EIF2AK4: variants seen among roughly 807,000 people sequenced by gnomAD.
EIF2AK4 encodes the protein eukaryotic translation initiation factor 2 alpha kinase 4, also known as eIF-2-alpha kinase GCN2.
Under a neutral mutation model 211.1 loss-of-function variants are expected in EIF2AK4, and 139 were observed. The observed-to-expected ratio is 0.66, with a 90% CI of 0.57 to 0.76. EIF2AK4 has a LOEUF of 0.76. Among genes scored for constraint, EIF2AK4 ranks in the 30% least tolerant of loss-of-function variants. The pLI, the probability that EIF2AK4 is intolerant of heterozygous loss-of-function variation, is 0.00. For synonymous variants in EIF2AK4, 710 were observed against 751.3 expected (o/e 0.94, Z 0.90); for missense variants, 1,664 against 2,043.8 (o/e 0.81, Z 3.58).
intron 23 of EIF2AK4, 73 bp downstream of exon 23, chr15:40,003,387 A>AT (rs774103123): frequency 1.3e-6 from 2 of 1,575,848 alleles, no homozygotes; most frequent in Non-Finnish European, 8.6e-7. Context: ...CTGTTAAAGG[A>AT]TTTTTCCCCC....
intron 4 of EIF2AK4, among the ~76,000 whole-genome samples, chr15:39,953,471 G>A (rs1373894096): frequency 6.6e-6 from 1 of 152,206 alleles, no homozygotes; most frequent in Admixed American, 6.5e-5. Flanking sequence ...TACCTCAGGT[G>A]CAGGCACTGA....
intron 29 of EIF2AK4, among the ~76,000 whole-genome samples, chr15:40,018,429 C>G (rs544256724): frequency 1.3e-3 from 199 of 149,646 alleles, no homozygotes; most frequent in Non-Finnish European, 2.3e-3. Flanking sequence ...AGGATTTTTT[C>G]AGGCATTCTT....
chr15:39,955,772 A>G lies in EIF2AK4; in HGVS notation c.743+4A>G. On this transcript the variant is annotated splice_donor_region_variant and intron_variant, in intron 6 of 38. Transcript: ENST00000263791. ...CAAACTCCTCAGGAAGGTCTAGGTA[A>G]GTCCCTGGGATTTCTGATCTGGGAG... 6.3e-7 allele frequency: 1 copy of G among 1,580,508 alleles called. No individual in the cohort carries two copies. The highest frequency in any genetic ancestry group is 8.6e-7 in the Non-Finnish European group (1 of 1,166,786).
chr15:39,954,661 C>A (rs1235063128), intron 5 of EIF2AK4, among the ~76,000 whole-genome samples: 1 of 152,196 alleles, frequency 6.6e-6, no homozygotes, highest in Admixed American at 6.5e-5. Context: ...AAGAGTAATT[C>A]AACAGAGCAG....
chr15:39,954,667 A>C (rs762434892), intron 5 of EIF2AK4, among the ~76,000 whole-genome samples: 2 of 152,254 alleles, frequency 1.3e-5, no homozygotes, highest in Non-Finnish European at 2.9e-5. Flanking sequence ...AATTCAACAG[A>C]GCAGATTTAA....
At chr15:39,936,126 C>T (rs949434170) in intron 1 of EIF2AK4, among the ~76,000 whole-genome samples, 1 of 152,180 alleles carries the variant, frequency 6.6e-6, no homozygotes, top group African/African-American at 2.4e-5. Context: ...GAAAAAGCAA[C>T]TTCTTTTAGG....
rs2034954115 is a variant in EIF2AK4 at position 39,992,248 on chromosome 15, A to G, written c.2686+19A>G. On this transcript the variant is annotated intron_variant, in intron 17 of 38. Transcript: ENST00000263791. Reference sequence around the variant, plus strand: ...CCTTCAGGTAAACCCAGAAGACTATATATTTCATCCATGTGTTAAAGACCC... The same window carrying G: ...CCTTCAGGTAAACCCAGAAGACTATGTATTTCATCCATGTGTTAAAGACCC... The G allele has an allele frequency of 1.9e-6, 3 of 1,591,070 alleles. No homozygotes were observed. The highest frequency in any genetic ancestry group is 2.6e-6 in the Non-Finnish European group (3 of 1,167,334).
chr15:39,997,463 T>A (rs1379883460), intron 19 of EIF2AK4, among the ~76,000 whole-genome samples: 11 of 152,196 alleles, frequency 7.2e-5, no homozygotes, highest in Non-Finnish European at 1.5e-5. Context: ...TATAGTTGCT[T>A]TTTAAAAAAT....
chr15:40,017,678 T>TTC (rs2035329253), intron 29 of EIF2AK4, among the ~76,000 whole-genome samples: 1 of 150,698 alleles, frequency 6.6e-6, no homozygotes, highest in Non-Finnish European at 1.5e-5. Flanking sequence ...CCCGAGTAGC[T>TTC]GAGACTACAG....
intron 13 of EIF2AK4, chr15:39,978,366 G>C (rs2034730619): frequency 3.5e-6 from 1 of 284,428 alleles, no homozygotes; most frequent in Non-Finnish European, 6.5e-6. Flanking sequence ...TTTTAGAAGA[G>C]AGGAGTCAGT....
rs76936092 is a variant in EIF2AK4 at position 39,976,412 on chromosome 15, A to G, written c.1819-2A>G. The G allele has an allele frequency of 1.9e-6, 3 of 1,588,532 alleles. No homozygotes were observed. Among genetic ancestry groups the G allele is most frequent in the Non-Finnish European group, 8.6e-7 (1 of 1,166,942 alleles). ...GCTGACCTTCCCCTGGCTGTGCCGC[A>G]GGTGCAGAACAAGTTGGACGGCTGC... On this transcript the variant is annotated splice_acceptor_variant, in intron 11 of 38. Transcript: ENST00000263791. LOFTEE classifies it high-confidence loss of function.
intron 13 of EIF2AK4, among the ~76,000 whole-genome samples, chr15:39,984,306 T>C (rs367861093): frequency 6.6e-6 from 1 of 152,212 alleles, no homozygotes; most frequent in African/African-American, 2.4e-5. Flanking sequence ...GTTTTATTCT[T>C]TTTGCTTAGG....
chr15:40,035,179 C>A lies in EIF2AK4; in HGVS notation c.*95C>A. ...ATTCATCATAATTTAAAATTAAATTCTAAGAAGAGGCTGGGTGCAGTGGCT... is the reference window on the plus strand; with the variant it reads ...ATTCATCATAATTTAAAATTAAATTATAAGAAGAGGCTGGGTGCAGTGGCT... On this transcript the variant is annotated 3_prime_UTR_variant, in exon 39 of 39. Coordinates refer to ENST00000263791, the MANE Select transcript of EIF2AK4 (RefSeq NM_001013703.4). 3.8e-6 allele frequency: 4 copies of A among 1,055,330 alleles called. No homozygotes were observed. Among genetic ancestry groups the A allele is most frequent in the South Asian group, 2.2e-5 (1 of 45,876 alleles). The allele number at this position is 1,055,330 out of a possible 1,614,324, so 65.4% of individuals were successfully genotyped here. A position where few individuals can be genotyped will look rare whatever the true frequency, so the allele number is the denominator to read the frequency against.
chr15:39,962,851 A>G (rs1001087888), intron 7 of EIF2AK4, among the ~76,000 whole-genome samples: 1 of 152,224 alleles, frequency 6.6e-6, no homozygotes. Flanking sequence ...TGTCATCTTT[A>G]CCCAGCCTTA....
At chr15:39,945,142 AT>A (rs773618945) in intron 3 of EIF2AK4, among the ~76,000 whole-genome samples, 87 of 145,272 alleles carry the variant, frequency 6.0e-4, no homozygotes, top group Middle Eastern at 7.1e-3. Context: ...TGTGATTTAA[AT>A]TTTTTTTTTT....
chr15:40,034,935 T>G, intron 38 of EIF2AK4, 92 bp from the exon 39 acceptor site: 2 of 999,584 alleles, frequency 2.0e-6, no homozygotes, highest in Non-Finnish European at 2.9e-6. Context: ...TTTGCTTAAA[T>G]AAAGCTCCTA....
chr15:40,009,139 T>C (rs1301408350), intron 25 of EIF2AK4, among the ~76,000 whole-genome samples: 3 of 151,516 alleles, frequency 2.0e-5, no homozygotes, highest in Non-Finnish European at 4.4e-5. Flanking sequence ...TCTCCCAGGA[T>C]GGTGTGCAGT....
chr15:39,965,575 A>G (rs1031635099), intron 7 of EIF2AK4, 111 bp from the exon 8 acceptor site: 45 of 1,203,316 alleles, frequency 3.7e-5, no homozygotes, highest in Non-Finnish European at 5.1e-5. Context: ...TTCCATAGTT[A>G]GCGCATGGTA....
intron 30 of EIF2AK4, among the ~76,000 whole-genome samples, chr15:40,019,731 C>T (rs886597518): frequency 3.9e-5 from 6 of 152,182 alleles, no homozygotes; most frequent in Non-Finnish European, 7.4e-5. Context: ...TTCCATGAAA[C>T]CAGTCCCTGG....
Sources: gnomAD v4.1 joint callset for allele counts (sites outside exome capture counted in the v4.1 genomes callset) on GRCh38, gnomAD v4.1.1 for gene constraint, MANE v1.5 for transcripts, NCBI Gene and HGNC (gene_info 2026-07-23, HGNC 2026-07-21) for gene names.